Variants in TAS2R1 observed in about 807,000 individuals in gnomAD.
TAS2R1 encodes taste 2 receptor member 1.
For synonymous variants in TAS2R1, 141 were observed against 134.2 expected, an observed-to-expected ratio of 1.05 and a Z score of -0.35; for missense variants, 370 against 353.4, an observed-to-expected ratio of 1.05 and a Z score of -0.38.
chr5:9,833,833 T>G, the TAS2R1 span, among the ~76,000 whole-genome samples: 508 of 152,296 alleles, frequency 3.3e-3, 4 homozygotes, highest in African/African-American at 0.012. Context: ...AGAGGAGGCA[T>G]AGACTTCCTG....
At chr5:9,900,993 C>G in the TAS2R1 span, among the ~76,000 whole-genome samples, 1 of 152,120 alleles carries the variant, frequency 6.6e-6, no homozygotes, top group South Asian at 2.1e-4. Flanking sequence ...TCTGTTTGCA[C>G]TAGTCGTCCT....
At chr5:9,765,548 G>C in the TAS2R1 span, 1 of 151,146 alleles carries the variant, frequency 6.6e-6, no homozygotes, top group African/African-American at 2.4e-5. Context: ...TTCAATTGCT[G>C]CTTCTCCACA....
At chr5:9,843,836 A>G in the TAS2R1 span, among the ~76,000 whole-genome samples, 1 of 152,200 alleles carries the variant, frequency 6.6e-6, no homozygotes, top group East Asian at 1.9e-4. Flanking sequence ...TACATTCTCA[A>G]CTGAAGGCTT....
At chr5:9,715,325 A>T (rs1734785622), upstream of TAS2R1, among the ~76,000 whole-genome samples, 1 of 152,174 alleles carries the variant, frequency 6.6e-6, no homozygotes, top group South Asian at 2.1e-4. Context: ...GCACTTGGGG[A>T]TGCTACAGCA....
At chr5:9,831,303 T>C in the TAS2R1 span, among the ~76,000 whole-genome samples, 3 of 152,164 alleles carry the variant, frequency 2.0e-5, no homozygotes, top group South Asian at 4.2e-4. Context: ...ACTGATAATA[T>C]AGAGCAAAGT....
intron 1 of TAS2R1, among the ~76,000 whole-genome samples, chr5:9,693,036 G>A (rs566790483): frequency 1.3e-5 from 2 of 152,112 alleles, no homozygotes; most frequent in African/African-American, 4.8e-5. Flanking sequence ...CAAAAGAAGA[G>A]CTTTCAAGGG....
At chr5:9,748,259 G>A in the TAS2R1 span, among the ~76,000 whole-genome samples, 1 of 152,158 alleles carries the variant, frequency 6.6e-6, no homozygotes, top group African/African-American at 2.4e-5. Flanking sequence ...TTGAGACGGA[G>A]TCTTGCTCTG....
chr5:9,792,684 A>G, the TAS2R1 span, among the ~76,000 whole-genome samples: 2 of 152,104 alleles, frequency 1.3e-5, no homozygotes, highest in Non-Finnish European at 2.9e-5. Flanking sequence ...ACGACTTAGG[A>G]GGAAACATGG....
At chr5:9,768,975 G>C in the TAS2R1 span, among the ~76,000 whole-genome samples, 1 of 152,048 alleles carries the variant, frequency 6.6e-6, no homozygotes, top group Non-Finnish European at 1.5e-5. Flanking sequence ...ATTGTTGACT[G>C]TAGTCACCCT....
At chr5:9,678,828 T>C (rs570306712) in intron 1 of TAS2R1, among the ~76,000 whole-genome samples, 1 of 152,254 alleles carries the variant, frequency 6.6e-6, no homozygotes, top group Non-Finnish European at 1.5e-5. Context: ...CAATGGATGC[T>C]GGGCTTAATA....
At chr5:9,696,225 G>A (rs1012694207) in intron 1 of TAS2R1, among the ~76,000 whole-genome samples, 3 of 152,012 alleles carry the variant, frequency 2.0e-5, no homozygotes, top group African/African-American at 7.2e-5. Context: ...ATGACCACTG[G>A]CTCAAAATGA....
At chr5:9,643,691 A>T (rs986771797) in intron 2 of TAS2R1, among the ~76,000 whole-genome samples, 3 of 152,232 alleles carry the variant, frequency 2.0e-5, no homozygotes, top group African/African-American at 4.8e-5. Flanking sequence ...ACCATTGTAT[A>T]TGCAGTCCAC....
chr5:9,769,457 G>A, the TAS2R1 span, among the ~76,000 whole-genome samples: 1 of 152,058 alleles, frequency 6.6e-6, no homozygotes, highest in Non-Finnish European at 1.5e-5. Context: ...TTATATAAAG[G>A]TTCTATTTAT....
At chr5:9,724,193 A>G in the TAS2R1 span, among the ~76,000 whole-genome samples, 11 of 152,236 alleles carry the variant, frequency 7.2e-5, no homozygotes, top group African/African-American at 2.7e-4. Context: ...CATCGGCCAC[A>G]TTAGGCCAAG....
At chr5:9,866,988 A>G in the TAS2R1 span, 1 of 152,246 alleles carries the variant, frequency 6.6e-6, no homozygotes, top group African/African-American at 2.4e-5. Flanking sequence ...GTCAGCCAAA[A>G]ACAGAAAGGG....
rs908524447 is a variant in TAS2R1, at chr5:9,627,640, C to T, written c.*1493G>A. Among the ~76,000 whole-genome samples the T allele has an allele frequency of 1.3e-5, 2 of 152,196 alleles. No individual in the cohort carries two copies. The highest frequency in any genetic ancestry group is 1.3e-4 in the Admixed American group (2 of 15,276). ...AAAAAGAAAAGTGACTTTTCATTGT[C>T]CTTTCCCCCATTCAGAAGCAATAAT... On this transcript the variant is annotated 3_prime_UTR_variant, in exon 1 of 1. Transcript: ENST00000382492.
the TAS2R1 span, among the ~76,000 whole-genome samples, chr5:9,796,421 A>G: frequency 6.6e-6 from 1 of 152,108 alleles, no homozygotes; most frequent in African/African-American, 2.4e-5. Flanking sequence ...ATTCAAGAGG[A>G]TATGGCCAGC....
intron 1 of TAS2R1, among the ~76,000 whole-genome samples, chr5:9,666,977 AT>A (rs973636391): frequency 3.9e-5 from 6 of 152,088 alleles, no homozygotes; most frequent in East Asian, 1.9e-4. Context: ...CTCAAGGCAA[AT>A]TTTTTTTAAA....
At chr5:9,899,008 A>T in the TAS2R1 span, among the ~76,000 whole-genome samples, 1 of 152,216 alleles carries the variant, frequency 6.6e-6, no homozygotes, top group Non-Finnish European at 1.5e-5. Flanking sequence ...TTAAAATGCT[A>T]ACCGTGCCTA....
Sources: allele counts gnomAD v4.1 joint callset (sites outside exome capture counted in the v4.1 genomes callset), GRCh38; gene constraint gnomAD v4.1.1; transcripts MANE v1.5; gene names NCBI Gene and HGNC (gene_info 2026-07-23, HGNC 2026-07-21).